Variants in EVL observed in about 807,000 individuals in gnomAD.
EVL encodes the protein Enah/Vasp-like, also known as ena/VASP-like protein.
Under a neutral mutation model 59.6 loss-of-function variants are expected in EVL, and 21 were observed. The ratio of observed to expected loss-of-function variants is 0.35; its 90% confidence interval spans 0.25 to 0.51. EVL has a LOEUF of 0.51. Ranked by LOEUF, EVL falls within the 20% of genes least tolerant of loss-of-function variation. The probability of loss-of-function intolerance (pLI) is 0.97; values close to 1 mark genes in which losing one functional copy is unlikely to be tolerated. For missense variants in EVL, 462 were observed against 546.6 expected (o/e 0.85, Z 1.54); for synonymous variants, 198 against 203.5 (o/e 0.97, Z 0.23).
chr14:100,094,914 G>A (rs999797357), intron 2 of EVL, among the ~76,000 whole-genome samples: 13 of 150,438 alleles, frequency 8.6e-5, no homozygotes, highest in East Asian at 2.0e-4. Context: ...GGTGGCAGGC[G>A]TCTATAGTTC....
At chr14:100,056,876 C>G (rs182750718) in intron 1 of EVL, among the ~76,000 whole-genome samples, 5 of 152,198 alleles carry the variant, frequency 3.3e-5, no homozygotes, top group African/African-American at 1.2e-4. Context: ...CACCATGTAC[C>G]AAGAATTGGG....
chr14:100,088,689 T>C (rs2062500059), intron 2 of EVL, among the ~76,000 whole-genome samples: 1 of 152,180 alleles, frequency 6.6e-6, no homozygotes, highest in African/African-American at 2.4e-5. Flanking sequence ...CAAAACATCA[T>C]TATGTGGTCC....
At chr14:100,030,207 G>T (rs528585228) in intron 1 of EVL, among the ~76,000 whole-genome samples, 21 of 150,052 alleles carry the variant, frequency 1.4e-4, no homozygotes, top group Non-Finnish European at 2.5e-4. Context: ...TTCACCTACC[G>T]CAGCCTCCCA....
chr14:99,972,182 C>A lies in EVL; in HGVS notation c.5+125C>A. ...ACGGGCGCGGGGGCTTCCAGAGAAC[C>A]GCGGGGGCTCTGCAGAGATTCGGGG... is the stretch of plus-strand genomic sequence containing the variant. On this transcript the variant is annotated intron_variant, in intron 1 of 13. Coordinates refer to the EVL transcript ENST00000402714. This position sits in a 1 kb window ranked among gnomAD's most constrained non-coding sequence, Gnocchi z 4.4. 1 of 207,948 alleles carries A rather than the reference C, an allele frequency of 4.8e-6. No homozygotes were observed. Among genetic ancestry groups the A allele is most frequent in the Non-Finnish European group, 9.7e-6 (1 of 103,178 alleles). The allele number at this position is 207,948 out of a possible 1,614,324, so 12.9% of individuals were successfully genotyped here. A position where few individuals can be genotyped will look rare whatever the true frequency, so the allele number is the denominator to read the frequency against.
intron 1 of EVL, among the ~76,000 whole-genome samples, chr14:100,032,388 T>G (rs1238718610): frequency 1.3e-5 from 2 of 152,178 alleles, no homozygotes; most frequent in Non-Finnish European, 2.9e-5. Context: ...GATTATCAGA[T>G]CCCTGGTATG....
chr14:100,135,756 TTTTAAATA>T (rs1399961937), intron 8 of EVL, 141 bp from the exon 9 acceptor site: 1 of 747,596 alleles, frequency 1.3e-6, no homozygotes, highest in African/African-American at 1.8e-5. Context: ...GCGTTTTCAC[TTTTAAATA>T]TTTAATGTTT....
At chr14:100,063,288 G>A (rs572361688), upstream of EVL, among the ~76,000 whole-genome samples, 5 of 152,254 alleles carry the variant, frequency 3.3e-5, no homozygotes, top group East Asian at 9.6e-4. Flanking sequence ...GTGGAAGAAG[G>A]GTCGGAGCAC....
intron 3 of EVL, among the ~76,000 whole-genome samples, chr14:100,101,950 G>A (rs778871344): frequency 2.6e-5 from 4 of 152,112 alleles, no homozygotes; most frequent in African/African-American, 4.8e-5. Flanking sequence ...TGATTCCCTT[G>A]CCTCAGCCTC....
At chr14:100,053,725 A>G (rs2061682280) in intron 1 of EVL, among the ~76,000 whole-genome samples, 1 of 152,118 alleles carries the variant, frequency 6.6e-6, no homozygotes, top group Non-Finnish European at 1.5e-5. Flanking sequence ...TCTAGTTTTT[A>G]TATATTTTTA....
At chr14:100,034,728 AC>A (rs975509265) in intron 1 of EVL, among the ~76,000 whole-genome samples, 1 of 151,852 alleles carries the variant, frequency 6.6e-6, no homozygotes, top group Admixed American at 6.6e-5. Flanking sequence ...ACAGAGTGAG[AC>A]CCCAACTCTT....
At chr14:99,997,384 G>T (rs1364665013) in intron 1 of EVL, among the ~76,000 whole-genome samples, 1 of 152,250 alleles carries the variant, frequency 6.6e-6, no homozygotes, top group South Asian at 2.1e-4. Flanking sequence ...CATCCTGTAC[G>T]TATTAGTCAG....
intron 1 of EVL, among the ~76,000 whole-genome samples, chr14:99,987,810 G>T (rs1225202981): frequency 6.6e-6 from 1 of 151,184 alleles, no homozygotes; most frequent in African/African-American, 2.4e-5. Context: ...AGAACTGTGA[G>T]AAATAAATAT....
At chr14:100,086,880 T>C (rs1014049533) in intron 2 of EVL, among the ~76,000 whole-genome samples, 1 of 152,134 alleles carries the variant, frequency 6.6e-6, no homozygotes, top group African/African-American at 2.4e-5. Context: ...TAGCTAGGAA[T>C]AGAAAAGAGA....
chr14:100,114,632 C>T lies in EVL; in HGVS notation c.359-8907C>T, dbSNP rs1170726136. Reference sequence around the variant, plus strand: ...CGAGAGGTGCCCCCGGCCTGTGCCGCGGAGCCCTGCCCGTGATGGTCAGCA... The same window carrying T: ...CGAGAGGTGCCCCCGGCCTGTGCCGTGGAGCCCTGCCCGTGATGGTCAGCA... On this transcript the variant is annotated intron_variant, in intron 3 of 13. Coordinates refer to ENST00000392920, the MANE Select transcript of EVL (RefSeq NM_016337.3). This position sits in a 1 kb window ranked among gnomAD's most constrained non-coding sequence, Gnocchi z 5.0. The T allele has an allele frequency of 2.0e-5, 3 of 152,404 alleles. No individual in the cohort carries two copies. Among genetic ancestry groups the T allele is most frequent in the East Asian group, 1.9e-4 (1 of 5,204 alleles). The allele number at this position is 152,404 out of a possible 1,614,324, so 9.4% of individuals were successfully genotyped here.
In EVL at chr14:100,109,633, G is replaced by T; in HGVS notation, c.358+11975G>T. Reference sequence around the variant, plus strand: ...GACTAAGATGGAGTTCCTGAACCAAGACCGCTTGCTGGCCAACCTGTGAAA... The same window carrying T: ...GACTAAGATGGAGTTCCTGAACCAATACCGCTTGCTGGCCAACCTGTGAAA... On this transcript the variant is annotated intron_variant, in intron 3 of 13. Coordinates refer to ENST00000392920, the MANE Select transcript of EVL (RefSeq NM_016337.3). This position sits in a 1 kb window ranked among gnomAD's most constrained non-coding sequence, Gnocchi z 4.3. 3.8e-6 allele frequency: 2 copies of T among 524,000 alleles called. No individual in the cohort carries two copies. Among genetic ancestry groups the T allele is most frequent in the Non-Finnish European group, 7.9e-6 (2 of 254,216 alleles). 32.5% of individuals were successfully genotyped at this position (524,000 alleles called of 1,614,324 possible).
At chr14:100,068,618 C>T (rs553671456) in intron 1 of EVL, among the ~76,000 whole-genome samples, 2 of 152,216 alleles carry the variant, frequency 1.3e-5, no homozygotes, top group African/African-American at 2.4e-5. Context: ...TCAGGGTAGG[C>T]GGTGAGAAGT....
chr14:100,100,663 C>T (rs757193757), intron 3 of EVL, among the ~76,000 whole-genome samples: 3 of 151,692 alleles, frequency 2.0e-5, no homozygotes, highest in South Asian at 2.1e-4. Context: ...TCTGTAGTCT[C>T]AACTACTTGG....
At chr14:100,097,733 C>G in intron 3 of EVL, 75 bp downstream of exon 3, 1 of 1,409,626 alleles carries the variant, frequency 7.1e-7, no homozygotes, top group Non-Finnish European at 9.6e-7. Flanking sequence ...AGCTCTGGCT[C>G]TCCGGGTATC....
chr14:100,068,256 T>A (rs1425914105), intron 1 of EVL, among the ~76,000 whole-genome samples: 2 of 151,814 alleles, frequency 1.3e-5, no homozygotes, highest in Admixed American at 1.3e-4. Flanking sequence ...GGCCCTGAGA[T>A]AGGAATGGTT....
Sources: allele counts gnomAD v4.1 joint callset (sites outside exome capture counted in the v4.1 genomes callset), GRCh38; gene constraint gnomAD v4.1.1; non-coding constraint Gnocchi (gnomAD v3.1); transcripts MANE v1.5; gene names NCBI Gene and HGNC (gene_info 2026-07-23, HGNC 2026-07-21).